Variants in H4C6 observed in about 807,000 individuals in gnomAD.
H4C6 encodes H4 clustered histone 6, also known as histone H4.
Under a neutral mutation model 5.7 loss-of-function variants are expected in H4C6, and 8 were observed. The ratio of observed to expected loss-of-function variants is 1.41; its 90% confidence interval spans 0.82 to 2.54. The LOEUF (loss-of-function observed/expected upper bound fraction) is 2.54. Among genes scored for constraint, H4C6 ranks in the 30% most tolerant of loss-of-function variants. The probability of loss-of-function intolerance (pLI) is 0.00; values close to 1 mark genes in which losing one functional copy is unlikely to be tolerated. For synonymous variants in H4C6, 124 were observed against 57.0 expected (o/e 2.18, Z -5.30); for missense variants, 230 against 145.9 (o/e 1.58, Z -2.97).
In H4C6 at chr6:26,240,653, C is replaced by T. The variant is rs778709539; in HGVS notation, c.228C>T (p.His76=). Residue 76 remains histidine, a synonymous_variant, in exon 1 of 1, where the codon CAC becomes CAT. Transcript: ENST00000244537. ...VIRDAVTYTE[H]AKRKTVTAMD... The stretch of plus-strand genomic sequence containing the variant: ...GGGACGCCGTAACCTACACGGAGCA[C>T]GCCAAGCGTAAGACAGTCACTGCAA... 5 of 1,613,798 alleles carry T rather than the reference C, an allele frequency of 3.1e-6. No homozygotes were observed. The highest frequency in any genetic ancestry group is 1.3e-5 in the African/African-American group (1 of 75,074).
In H4C6 at chr6:26,240,746, C is replaced by A; in HGVS notation, c.*9C>A. 2 of 1,545,304 alleles carry A rather than the reference C, an allele frequency of 1.3e-6. No homozygotes were observed. The highest frequency in any genetic ancestry group is 1.7e-6 in the Non-Finnish European group (2 of 1,145,108). On this transcript the variant is annotated 3_prime_UTR_variant, in exon 1 of 1. Coordinates refer to ENST00000244537, the MANE Select transcript of H4C6 (RefSeq NM_003540.4). ...ACGGCTTTGGTGGCTGAGCCTCACC[C>A]CGGCTTTTTATTTAACAGCTCACCC...
Position 26,240,413 on chromosome 6 carries a change from T to A in H4C6, c.-13T>A. On this transcript the variant is annotated 5_prime_UTR_variant, in exon 1 of 1. Coordinates refer to ENST00000244537, the MANE Select transcript of H4C6 (RefSeq NM_003540.4). ...AAGTTGCAAAAGTTAAGAGTTGTTG[T>A]TTGTCTTCGATCATGTCTGGTAGAG... is the stretch of plus-strand genomic sequence containing the variant. 6 of 1,531,178 alleles carry A rather than the reference T, an allele frequency of 3.9e-6. No individual in the cohort carries two copies. The highest frequency in any genetic ancestry group is 5.3e-6 in the Non-Finnish European group (6 of 1,136,650). The allele number at this position is 1,531,178 out of a possible 1,614,324, so 94.8% of individuals were successfully genotyped here.
Position 26,240,494 on chromosome 6 carries a change from G to A in H4C6, c.69G>A (p.Leu23=), listed in dbSNP as rs749391001. The change falls in exon 1 of 1, where the codon CTG becomes CTA. Residue 23 remains leucine, a synonymous_variant. Transcript: ENST00000244537. The part of the protein sequence containing the change: ...KGGAKRHRKV[L]RDNIQGITKP... ...GCGCCAAGCGCCATCGCAAAGTGCT[G>A]CGTGACAACATACAGGGCATCACGA... The A allele has an allele frequency of 4.3e-6, 7 of 1,609,886 alleles. No homozygotes were observed. Among genetic ancestry groups the A allele is most frequent in the South Asian group, 1.1e-5 (1 of 90,942 alleles).
chr6:26,240,457 T>TA lies in H4C6; in HGVS notation c.33dup (p.Gly12ArgfsTer14), dbSNP rs750523979. Reference sequence around the variant, plus strand: ...GGTAGAGGCAAAGGTGGTAAAGGTTTAGGAAAGGGAGGCGCCAAGCGCCAT... The same window carrying TA: ...GGTAGAGGCAAAGGTGGTAAAGGTTTAAGGAAAGGGAGGCGCCAAGCGCCAT... On this transcript the variant is annotated frameshift_variant, in exon 1 of 1. Coordinates refer to ENST00000244537, the MANE Select transcript of H4C6 (RefSeq NM_003540.4). LOFTEE classifies it high-confidence loss of function. The TA allele has an allele frequency of 1.7e-5, 27 of 1,589,854 alleles. No individual in the cohort carries two copies. The highest frequency in any genetic ancestry group is 2.2e-5 in the Non-Finnish European group (26 of 1,164,650).
In H4C6 at chr6:26,240,705, C is replaced by T; in HGVS notation, c.280C>T (p.Gln94Ter). Reference protein sequence around the residue: ...AMDVVYALKRQGRTLYGFGG With the variant: ...AMDVVYALKR ...GGATGTTGTCTACGCGCTCAAGCGC[C>T]AGGGACGCACTCTGTACGGCTTTGG... Residue 94 changes from glutamine (Q) to a stop codon, truncating the protein, a stop_gained, in exon 1 of 1, where the codon CAG (glutamine) becomes TAG (stop). Transcript: ENST00000244537. LOFTEE classifies it high-confidence loss of function. 1 of 1,602,784 alleles carries T rather than the reference C, an allele frequency of 6.2e-7. No individual in the cohort carries two copies. Among genetic ancestry groups the T allele is most frequent in the Non-Finnish European group, 8.5e-7 (1 of 1,173,358 alleles).
At position 26,240,743 on chromosome 6, in the gene H4C6, AC is replaced by A. The variant is rs753025966; in HGVS notation, c.*10del. 3.2e-6 allele frequency: 5 copies of A among 1,546,306 alleles called. No homozygotes were observed. The highest frequency in any genetic ancestry group is 2.0e-5 in the Admixed American group (1 of 50,808). ...TGTACGGCTTTGGTGGCTGAGCCTC[AC>A]CCCGGCTTTTTATTTAACAGCTCAC... On this transcript the variant is annotated 3_prime_UTR_variant, in exon 1 of 1. Coordinates refer to ENST00000244537, the MANE Select transcript of H4C6 (RefSeq NM_003540.4).
chr6:26,240,738 G>T lies in H4C6; in HGVS notation c.*1G>T. On this transcript the variant is annotated 3_prime_UTR_variant, in exon 1 of 1. Transcript: ENST00000244537. ...CACTCTGTACGGCTTTGGTGGCTGA[G>T]CCTCACCCCGGCTTTTTATTTAACA... The T allele has an allele frequency of 1.9e-6, 3 of 1,554,084 alleles. No individual in the cohort carries two copies. The highest frequency in any genetic ancestry group is 2.6e-6 in the Non-Finnish European group (3 of 1,149,438).
In H4C6 at chr6:26,240,750, CTT is replaced by C; in HGVS notation, c.*17_*18del. On this transcript the variant is annotated 3_prime_UTR_variant, in exon 1 of 1. Transcript: ENST00000244537. ...CTTTGGTGGCTGAGCCTCACCCCGG[CTT>C]TTTATTTAACAGCTCACCCATAAAA... 1 of 1,543,550 alleles carries C rather than the reference CTT, an allele frequency of 6.5e-7. No homozygotes were observed. Among genetic ancestry groups the C allele is most frequent in the Non-Finnish European group, 8.7e-7 (1 of 1,143,670 alleles).
rs368833940 is a variant in H4C6 at position 26,240,510 on chromosome 6, G to C, written c.85G>C (p.Gly29Arg). 6 of 1,613,868 alleles carry C rather than the reference G, an allele frequency of 3.7e-6. No individual in the cohort carries two copies. The highest frequency in any genetic ancestry group is 5.1e-6 in the Non-Finnish European group (6 of 1,179,746). ...HRKVLRDNIQ[G>R]ITKPAIRRLA... Reference sequence around the variant, plus strand: ...CAAAGTGCTGCGTGACAACATACAGGGCATCACGAAGCCCGCCATCCGTCG... The same window carrying C: ...CAAAGTGCTGCGTGACAACATACAGCGCATCACGAAGCCCGCCATCCGTCG... The change falls in exon 1 of 1, where the codon GGC becomes CGC. Residue 29 changes from glycine (G) to arginine (R), a missense_variant. Transcript: ENST00000244537.
chr6:26,240,619 A>C lies in H4C6; in HGVS notation c.194A>C (p.Asn65Thr), dbSNP rs1338804591. ...TRGVLKVFLENVIRDAVTYTE... is the reference protein window; with the variant it reads ...TRGVLKVFLETVIRDAVTYTE... ...GGTGTTCTTAAGGTGTTCCTGGAGA[A>C]TGTGATACGGGACGCCGTAACCTAC... The change falls in exon 1 of 1, where the codon AAT becomes ACT. Residue 65 changes from asparagine to threonine, a missense_variant. Transcript: ENST00000244537. 1 of 1,613,980 alleles carries C rather than the reference A, an allele frequency of 6.2e-7. No homozygotes were observed.
Position 26,240,715 on chromosome 6 carries a change from C to A in H4C6, c.290C>A (p.Thr97Asn). The change falls in exon 1 of 1, where the codon ACT becomes AAT. Residue 97 changes from threonine (T) to asparagine (N), a missense_variant. Thr to Asn is a moderately conservative substitution (Grantham distance 65). Transcript: ENST00000244537. ...TACGCGCTCAAGCGCCAGGGACGCA[C>A]TCTGTACGGCTTTGGTGGCTGAGCC... ...VVYALKRQGR[T>N]LYGFGG is the part of the protein sequence containing the mutation. 1 of 1,595,876 alleles carries A rather than the reference C, an allele frequency of 6.3e-7. No homozygotes were observed. Among genetic ancestry groups the A allele is most frequent in the African/African-American group, 1.3e-5 (1 of 74,850 alleles).
In H4C6 at chr6:26,240,445, G is replaced by T. The variant is rs780042600; in HGVS notation, c.20G>T (p.Gly7Val). ...TCGATCATGTCTGGTAGAGGCAAAGGTGGTAAAGGTTTAGGAAAGGGAGGC... is the reference window on the plus strand; with the variant it reads ...TCGATCATGTCTGGTAGAGGCAAAGTTGGTAAAGGTTTAGGAAAGGGAGGC... Reference protein sequence around the residue: MSGRGKGGKGLGKGGAK... With the variant: MSGRGKVGKGLGKGGAK... The change falls in exon 1 of 1, where the codon GGT becomes GTT. Residue 7 changes from glycine to valine, a missense_variant. Physicochemically the swap from Gly to Val is moderately radical, Grantham distance 109. Transcript: ENST00000244537. 2.5e-6 allele frequency: 4 copies of T among 1,577,604 alleles called. No individual in the cohort carries two copies. The highest frequency in any genetic ancestry group is 2.7e-5 in the African/African-American group (2 of 74,166).
Position 26,240,687 on chromosome 6 carries a change from G to C in H4C6, c.262G>C (p.Val88Leu). 1.2e-6 allele frequency: 2 copies of C among 1,609,050 alleles called. No homozygotes were observed. Among genetic ancestry groups the C allele is most frequent in the Non-Finnish European group, 1.7e-6 (2 of 1,176,836 alleles). The change falls in exon 1 of 1, where the codon GTC becomes CTC. Residue 88 changes from valine to leucine, a missense_variant. Val to Leu is a conservative substitution (Grantham distance 32, BLOSUM62 1). Transcript: ENST00000244537. Reference sequence around the variant, plus strand: ...TAAGACAGTCACTGCAATGGATGTTGTCTACGCGCTCAAGCGCCAGGGACG... The same window carrying C: ...TAAGACAGTCACTGCAATGGATGTTCTCTACGCGCTCAAGCGCCAGGGACG... ...KRKTVTAMDV[V>L]YALKRQGRTL...
chr6:26,240,481 A>G lies in H4C6; in HGVS notation c.56A>G (p.His19Arg). ...KGLGKGGAKR[H>R]RKVLRDNIQG... ...TTAGGAAAGGGAGGCGCCAAGCGCC[A>G]TCGCAAAGTGCTGCGTGACAACATA... is the stretch of plus-strand genomic sequence containing the variant. Residue 19 changes from histidine to arginine, a missense_variant, in exon 1 of 1, where the codon CAT (histidine) becomes CGT (arginine). Physicochemically the swap from His to Arg is conservative, Grantham distance 29. Transcript: ENST00000244537. 6.2e-7 allele frequency: 1 copy of G among 1,602,710 alleles called. No individual in the cohort carries two copies. Among genetic ancestry groups the G allele is most frequent in the South Asian group, 1.1e-5 (1 of 90,580 alleles).
Position 26,240,558 on chromosome 6 carries a change from A to G in H4C6, c.133A>G (p.Lys45Glu). 6 of 1,614,214 alleles carry G rather than the reference A, an allele frequency of 3.7e-6. No homozygotes were observed. Among genetic ancestry groups the G allele is most frequent in the Non-Finnish European group, 5.1e-6 (6 of 1,179,990 alleles). ...IRRLARRGGV[K>E]RISGLIYEET... ...TCGCTTGGCCCGACGCGGCGGCGTG[A>G]AACGCATTTCGGGCCTCATTTATGA... is the stretch of plus-strand genomic sequence containing the variant. The change falls in exon 1 of 1, where the codon AAA becomes GAA. Residue 45 changes from lysine to glutamate, a missense_variant. Transcript: ENST00000244537.
rs117395344 is a variant in H4C6, at chr6:26,240,425, C to T, written c.-1C>T. On this transcript the variant is annotated 5_prime_UTR_variant, in exon 1 of 1. Transcript: ENST00000244537. ...TTAAGAGTTGTTGTTTGTCTTCGAT[C>T]ATGTCTGGTAGAGGCAAAGGTGGTA... 1.8e-4 allele frequency: 272 copies of T among 1,543,610 alleles called. 1 individual carries two copies. The East Asian group carries it at 4.9e-3, about 28-fold the overall frequency.
In H4C6 at chr6:26,240,533, T is replaced by C. The variant is rs1759868601; in HGVS notation, c.108T>C (p.Arg36=). 2 of 1,614,122 alleles carry C rather than the reference T, an allele frequency of 1.2e-6. No homozygotes were observed. Among genetic ancestry groups the C allele is most frequent in the Non-Finnish European group, 8.5e-7 (1 of 1,179,928 alleles). The change falls in exon 1 of 1, where the codon CGT becomes CGC. Residue 36 remains arginine (R), a synonymous_variant. Transcript: ENST00000244537. ...NIQGITKPAI[R]RLARRGGVKR... ...AGGGCATCACGAAGCCCGCCATCCGTCGCTTGGCCCGACGCGGCGGCGTGA... is the reference window on the plus strand; with the variant it reads ...AGGGCATCACGAAGCCCGCCATCCGCCGCTTGGCCCGACGCGGCGGCGTGA...
At position 26,240,416 on chromosome 6, in the gene H4C6, G is replaced by C; in HGVS notation, c.-10G>C. 2 of 1,536,110 alleles carry C rather than the reference G, an allele frequency of 1.3e-6. No individual in the cohort carries two copies. On this transcript the variant is annotated 5_prime_UTR_variant, in exon 1 of 1. Coordinates refer to ENST00000244537, the MANE Select transcript of H4C6 (RefSeq NM_003540.4). Reference sequence around the variant, plus strand: ...TTGCAAAAGTTAAGAGTTGTTGTTTGTCTTCGATCATGTCTGGTAGAGGCA... The same window carrying C: ...TTGCAAAAGTTAAGAGTTGTTGTTTCTCTTCGATCATGTCTGGTAGAGGCA...
chr6:26,240,628 G>A lies in H4C6; in HGVS notation c.203G>A (p.Arg68Gln), dbSNP rs765458844. The A allele has an allele frequency of 2.5e-6, 4 of 1,613,768 alleles. No individual in the cohort carries two copies. Among genetic ancestry groups the A allele is most frequent in the South Asian group, 1.1e-5 (1 of 91,054 alleles). The change falls in exon 1 of 1, where the codon CGG becomes CAG. Residue 68 changes from arginine to glutamine, a missense_variant. Transcript: ENST00000244537. ...VLKVFLENVI[R>Q]DAVTYTEHAK... Reference sequence around the variant, plus strand: ...AAGGTGTTCCTGGAGAATGTGATACGGGACGCCGTAACCTACACGGAGCAC... The same window carrying A: ...AAGGTGTTCCTGGAGAATGTGATACAGGACGCCGTAACCTACACGGAGCAC...
Sources: gnomAD v4.1 joint callset for allele counts on GRCh38, gnomAD v4.1.1 for gene constraint, MANE v1.5 for transcripts, NCBI Gene and HGNC (gene_info 2026-07-23, HGNC 2026-07-21) for gene names.